LRRC59: variants seen among roughly 807,000 people sequenced by gnomAD.
LRRC59 encodes the protein leucine-rich repeat-containing protein 59.
LRRC59 carries 18 observed loss-of-function variants against 33.5 expected under a neutral mutation model. The observed-to-expected ratio is 0.54, with a 90% confidence interval of 0.37 to 0.80. The LOEUF is 0.80. Among genes scored for constraint, LRRC59 ranks in the 30% least tolerant of loss-of-function variants. The pLI, the probability that LRRC59 is intolerant of heterozygous loss-of-function variation, is 0.00. For missense variants in LRRC59, 330 were observed against 391.9 expected, an observed-to-expected ratio of 0.84 and a Z score of 1.33; for synonymous variants, 138 against 160.0, an observed-to-expected ratio of 0.86 and a Z score of 1.04.
intron 5 of LRRC59, among the ~76,000 whole-genome samples, chr17:50,387,049 C>T (rs770745041): frequency 5.9e-5 from 9 of 151,914 alleles, no homozygotes; most frequent in South Asian, 4.2e-4. Context: ...AGCCAGGAGG[C>T]GGAGGTTGCA....
At position 50,381,564 on chromosome 17, in the gene LRRC59, C is replaced by T. The variant is rs17741; in HGVS notation, c.*1424G>A. On this transcript the variant is annotated 3_prime_UTR_variant, in exon 7 of 7. Transcript: ENST00000225972. ...AGAAGATTAACAAAGTCCTTTCTTC[C>T]AATATCAGGATAGTCATGAGTTGCA... The T allele has an allele frequency of 0.38, 57,529 of 152,630 alleles. 11,888 individuals carry two copies. The highest frequency in any genetic ancestry group is 0.51 in the Admixed American group (7,843 of 15,306). The allele number at this position is 152,630 out of a possible 1,614,324, so 9.5% of individuals were successfully genotyped here.
intron 1 of LRRC59, among the ~76,000 whole-genome samples, chr17:50,395,473 G>C (rs778174594): frequency 1.4e-4 from 21 of 152,120 alleles, no homozygotes; most frequent in Non-Finnish European, 2.8e-4. Flanking sequence ...CTCTTATTAG[G>C]TTTCAGGGCA....
At chr17:50,387,105 G>A (rs977706512) in intron 5 of LRRC59, among the ~76,000 whole-genome samples, 4 of 147,386 alleles carry the variant, frequency 2.7e-5, no homozygotes, top group East Asian at 1.9e-4. Context: ...GCAACAGAGC[G>A]AGACTCTGTC....
intron 6 of LRRC59, 62 bp downstream of exon 6, chr17:50,385,056 C>A: frequency 6.4e-7 from 1 of 1,559,754 alleles, no homozygotes; most frequent in South Asian, 1.2e-5. Context: ...TTGTCTATGC[C>A]TGGAAACATG....
Position 50,383,081 on chromosome 17 carries a change from G to T in LRRC59, c.831C>A (p.Cys277Ter), listed in dbSNP as rs766895386. The T allele has an allele frequency of 6.2e-7, 1 of 1,610,624 alleles. No homozygotes were observed. Among genetic ancestry groups the T allele is most frequent in the East Asian group, 2.2e-5 (1 of 44,814 alleles). Residue 277 changes from cysteine to a stop codon, truncating the protein, a stop_gained, in exon 7 of 7, where the codon TGC becomes TGA. Transcript: ENST00000225972. LOFTEE classifies it high-confidence loss of function. ...TGTCATAGATGGTGTTCACGCTGGT[G>T]CAGAGGGGCTGCTGCTGCAGCTCTG... Reference protein sequence around the residue: ...RVTELQQQPLCTSVNTIYDNA... With the variant: ...RVTELQQQPL
intron 2 of LRRC59, 91 bp from the exon 3 acceptor site, chr17:50,392,988 T>C (rs1914184582): frequency 8.0e-7 from 1 of 1,253,044 alleles, no homozygotes; most frequent in Non-Finnish European, 1.1e-6. Flanking sequence ...TTGTAACCTT[T>C]CTTAAAACAT....
At chr17:50,397,177 A>C in intron 1 of LRRC59, 36 bp downstream of exon 1, 1 of 1,480,324 alleles carries the variant, frequency 6.8e-7, no homozygotes, top group Non-Finnish European at 9.1e-7. Flanking sequence ...GCGCCCGGCG[A>C]AGGTGGGCGC....
intron 4 of LRRC59, among the ~76,000 whole-genome samples, chr17:50,388,559 C>A (rs1914067638): frequency 1.3e-5 from 2 of 152,254 alleles, no homozygotes; most frequent in East Asian, 3.9e-4. Context: ...ACCACCACCA[C>A]CACCACCACC....
chr17:50,387,970 T>C, intron 5 of LRRC59, 90 bp downstream of exon 5: 2 of 1,284,574 alleles, frequency 1.6e-6, no homozygotes, highest in Non-Finnish European at 2.3e-6. Context: ...TCTTCATGAC[T>C]ACTCTACTGG....
rs1210317615 is a variant in LRRC59, at chr17:50,394,851, C to T, written c.165+78G>A. On this transcript the variant is annotated intron_variant, in intron 2 of 6. Coordinates refer to ENST00000225972, the MANE Select transcript of LRRC59 (RefSeq NM_018509.4). ...AATTACACCTTATGACACCCTCCCA[C>T]CCCCCTCTCAACCCCCGAAACAGGA... 8 of 979,706 alleles carry T rather than the reference C, an allele frequency of 8.2e-6. No individual in the cohort carries two copies. The Admixed American group carries it at 1.0e-4, about 12-fold the overall frequency. The allele number at this position is 979,706 out of a possible 1,614,324, so 60.7% of individuals were successfully genotyped here. A position where few individuals can be genotyped will look rare whatever the true frequency, so the allele number is the denominator to read the frequency against.
chr17:50,391,071 AG>A (rs1914132853), intron 4 of LRRC59, among the ~76,000 whole-genome samples: 1 of 152,240 alleles, frequency 6.6e-6, no homozygotes, highest in Non-Finnish European at 1.5e-5. Flanking sequence ...GAGAAATGAA[AG>A]TAATGCCGAC....
chr17:50,395,458 C>T (rs865847802), intron 1 of LRRC59, among the ~76,000 whole-genome samples: 1 of 152,024 alleles, frequency 6.6e-6, no homozygotes, highest in Non-Finnish European at 1.5e-5. Flanking sequence ...TATTACCCAG[C>T]GTCCCTCTTA....
Position 50,385,199 on chromosome 17 carries a change from G to C in LRRC59, c.595C>G (p.Arg199Gly). 2 of 1,614,042 alleles carry C rather than the reference G, an allele frequency of 1.2e-6. No homozygotes were observed. Among genetic ancestry groups the C allele is most frequent in the South Asian group, 1.1e-5 (1 of 91,076 alleles). ...KREKAEEKER[R>G]RKEYDALKAA... is the part of the protein sequence containing the mutation. ...TTGAGGGCATCATACTCCTTTCTCC[G>C]GCGCTCCTTCTCTTCCGCCTTCTCC... The change falls in exon 6 of 7, where the codon CGG (arginine) becomes GGG (glycine). Residue 199 changes from arginine to glycine, a missense_variant. Physicochemically the swap from Arg to Gly is moderately radical, Grantham distance 125. Transcript: ENST00000225972.
intron 4 of LRRC59, among the ~76,000 whole-genome samples, chr17:50,392,175 T>C (rs1914160968): frequency 2.6e-5 from 4 of 152,182 alleles, no homozygotes; most frequent in African/African-American, 9.7e-5. Flanking sequence ...CACTCCAACC[T>C]GGGCAACAGA....
At chr17:50,387,969 C>G in intron 5 of LRRC59, 91 bp downstream of exon 5, 1 of 1,280,884 alleles carries the variant, frequency 7.8e-7, no homozygotes, top group East Asian at 2.3e-5. Context: ...TTCTTCATGA[C>G]TACTCTACTG....
In LRRC59 at chr17:50,392,797, T is replaced by C; in HGVS notation, c.266A>G (p.His89Arg). The C allele has an allele frequency of 6.2e-7, 1 of 1,614,122 alleles. No individual in the cohort carries two copies. Among genetic ancestry groups the C allele is most frequent in the East Asian group, 2.2e-5 (1 of 44,880 alleles). Residue 89 changes from histidine to arginine, a missense_variant, in exon 3 of 7, where the codon CAC becomes CGC. Coordinates refer to ENST00000225972, the MANE Select transcript of LRRC59 (RefSeq NM_018509.4). The part of the protein sequence containing the change: ...ADFGRLVNLQ[H>R]LDLLNNKLVT... ...CAGCTTGTTGTTGAGGAGATCCAGG[T>C]GCTGGAGGTTGACCAGACGGCCAAA... is the stretch of plus-strand genomic sequence containing the variant.
intron 5 of LRRC59, chr17:50,386,111 A>G (rs750691275): frequency 6.8e-6 from 1 of 147,340 alleles, no homozygotes; most frequent in Non-Finnish European, 1.5e-5. Flanking sequence ...AAGTGAACCT[A>G]CCTTCTTACT....
chr17:50,395,137 G>A, intron 1 of LRRC59, 149 bp from the exon 2 acceptor site: 3 of 595,034 alleles, frequency 5.0e-6, no homozygotes, highest in Admixed American at 2.7e-5. Flanking sequence ...CTGGGAATAA[G>A]AGGAAAAATA....
At position 50,396,982 on chromosome 17, in the gene LRRC59, G is replaced by A. The variant is rs1038602163; in HGVS notation, c.105+231C>T. The A allele has an allele frequency of 1.2e-5, 5 of 411,392 alleles. No homozygotes were observed. The Admixed American group carries it at 1.8e-4, about 14-fold the overall frequency. The allele number at this position is 411,392 out of a possible 1,614,324, so 25.5% of individuals were successfully genotyped here. On this transcript the variant is annotated intron_variant, in intron 1 of 6. Transcript: ENST00000225972. ...CTTCTTAGCCTGTAAAAAGCCTAGG[G>A]CCAGAGAAGCAGATCTTCCCTATGT... is the stretch of plus-strand genomic sequence containing the variant.
Sources: gnomAD v4.1 joint callset for allele counts (sites outside exome capture counted in the v4.1 genomes callset) on GRCh38, gnomAD v4.1.1 for gene constraint, MANE v1.5 for transcripts, NCBI Gene and HGNC (gene_info 2026-07-23, HGNC 2026-07-21) for gene names.